The following CDH26 variants were observed in gnomAD, a reference collection of about 807,000 sequenced individuals.
The protein encoded by CDH26 is cadherin-like protein 26.
In CDH26, 83 loss-of-function variants were observed where a neutral mutation model predicts 90.3. The observed-to-expected ratio is 0.92, with a 90% CI of 0.77 to 1.10. The LOEUF is 1.10. CDH26 is among the 50% of genes least tolerant of loss of function. The probability of loss-of-function intolerance (pLI) is 0.00; values close to 1 mark genes in which losing one functional copy is unlikely to be tolerated. For synonymous variants in CDH26, 397 were observed against 396.3 expected (o/e 1.00, Z -0.02); for missense variants, 1,013 against 1,037.6 (o/e 0.98, Z 0.33).
downstream of CDH26, among the ~76,000 whole-genome samples, chr20:60,035,276 T>C (rs1421548376): frequency 6.6e-6 from 1 of 152,244 alleles, no homozygotes; most frequent in Non-Finnish European, 1.5e-5. Context: ...TTTCTATGCA[T>C]GCATGAACAT....
At position 60,006,806 on chromosome 20, in the gene CDH26, G is replaced by A. The variant is rs530011383; in HGVS notation, c.2295+19G>A. 6.3e-7 allele frequency: 1 copy of A among 1,597,528 alleles called. No individual in the cohort carries two copies. The highest frequency in any genetic ancestry group is 2.2e-5 in the East Asian group (1 of 44,820). On this transcript the variant is annotated intron_variant, in intron 17 of 17. Transcript: ENST00000348616. ...GAATCAGGTAGGGAGAGCTCCCCTTGTGCTGTGCACTAGCTATGGGTTTTG... is the reference window on the plus strand; with the variant it reads ...GAATCAGGTAGGGAGAGCTCCCCTTATGCTGTGCACTAGCTATGGGTTTTG...
intron 17 of CDH26, among the ~76,000 whole-genome samples, chr20:60,009,738 G>A (rs2146019715): frequency 6.6e-6 from 1 of 152,254 alleles, no homozygotes; most frequent in East Asian, 1.9e-4. Flanking sequence ...GAATCAGGGT[G>A]CAGACATCCA....
intron 7 of CDH26, 25 bp from the exon 8 acceptor site, chr20:59,987,428 T>A (rs756101943): frequency 6.3e-7 from 1 of 1,586,900 alleles, no homozygotes. Flanking sequence ...TTCCATGACA[T>A]GGACATGATG....
intron 16 of CDH26, among the ~76,000 whole-genome samples, chr20:60,003,350 C>T (rs1262362026): frequency 6.6e-6 from 1 of 152,052 alleles, no homozygotes; most frequent in African/African-American, 2.4e-5. Context: ...ACCAAAATAG[C>T]CAATAAAAAT....
intron 14 of CDH26, among the ~76,000 whole-genome samples, chr20:60,000,367 A>T (rs2061660064): frequency 6.6e-6 from 1 of 152,224 alleles, no homozygotes; most frequent in Non-Finnish European, 1.5e-5. Context: ...AACAAAGTTG[A>T]CCCAGGATTG....
chr20:59,969,213 T>C (rs972558710), intron 2 of CDH26, among the ~76,000 whole-genome samples, 190 bp downstream of exon 2: 1 of 152,216 alleles, frequency 6.6e-6, no homozygotes, highest in Non-Finnish European at 1.5e-5. Flanking sequence ...CTTTTATGTC[T>C]AATTAGAATG....
chr20:60,009,802 C>G (rs1177817255), intron 17 of CDH26, among the ~76,000 whole-genome samples: 1 of 152,112 alleles, frequency 6.6e-6, no homozygotes, highest in Non-Finnish European at 1.5e-5. Context: ...AGCACAGCCC[C>G]CACTGCAGAT....
intron 1 of CDH26, among the ~76,000 whole-genome samples, chr20:59,961,523 C>A (rs1447423627): frequency 6.6e-6 from 1 of 152,160 alleles, no homozygotes; most frequent in African/African-American, 2.4e-5. Context: ...CGTTCCATTC[C>A]TTTACATCCC....
chr20:59,994,642 G>A (rs781453703), intron 11 of CDH26, among the ~76,000 whole-genome samples, 153 bp downstream of exon 11: 50 of 152,258 alleles, frequency 3.3e-4, no homozygotes, highest in Middle Eastern at 3.4e-3. Flanking sequence ...GATATCCCTG[G>A]ATATCCTTCC....
exon 9 of CDH26, chr20:60,033,773 ATGTG>A (rs3043443): frequency 0.019 from 17,012 of 894,242 alleles, 65 homozygotes; most frequent in Middle Eastern, 0.023. Context: ...GGTAGACAAG[ATGTG>A]TGTGTGTGTG....
intron 1 of CDH26, among the ~76,000 whole-genome samples, chr20:59,963,791 C>G (rs2061109491): frequency 6.6e-6 from 1 of 151,858 alleles, no homozygotes; most frequent in Non-Finnish European, 1.5e-5. Flanking sequence ...ATAGGAAATT[C>G]TGTGATTTCT....
intron 7 of CDH26, among the ~76,000 whole-genome samples, chr20:60,026,428 G>C (rs892601101): frequency 1.3e-5 from 2 of 149,846 alleles, no homozygotes; most frequent in Middle Eastern, 6.9e-3. Flanking sequence ...GAGAGAGAGG[G>C]AGAAGAGGAG....
At position 60,012,616 on chromosome 20, in the gene CDH26, C is replaced by A; in HGVS notation, c.2385C>A (p.Ser795=). ...SEEGECGGAP[S]LSSLASLEQE... is the part of the protein sequence containing the mutation. ...AAGGGGAGTGTGGAGGGGCCCCATCCCTCAGCTCTCTGGCCAGCTTGGAAC... is the reference window on the plus strand; with the variant it reads ...AAGGGGAGTGTGGAGGGGCCCCATCACTCAGCTCTCTGGCCAGCTTGGAAC... The change falls in exon 18 of 18, where the codon TCC becomes TCA. Residue 795 remains serine (S), a synonymous_variant. Transcript: ENST00000348616. The A allele has an allele frequency of 6.2e-7, 1 of 1,614,146 alleles. No individual in the cohort carries two copies. The highest frequency in any genetic ancestry group is 1.1e-5 in the South Asian group (1 of 91,090).
chr20:59,985,781 CT>C (rs1449345395), intron 7 of CDH26, among the ~76,000 whole-genome samples: 1 of 152,228 alleles, frequency 6.6e-6, no homozygotes, highest in African/African-American at 2.4e-5. Context: ...ACATTTTTGA[CT>C]GCTGTATGCC....
chr20:60,032,765 G>A (rs1017727294), intron 8 of CDH26, among the ~76,000 whole-genome samples: 11 of 147,648 alleles, frequency 7.5e-5, no homozygotes, highest in Middle Eastern at 3.5e-3. Flanking sequence ...ACCAAACACC[G>A]CATGTTCTCA....
chr20:59,977,525 A>T (rs932030489), intron 4 of CDH26, among the ~76,000 whole-genome samples: 1 of 150,782 alleles, frequency 6.6e-6, no homozygotes. Flanking sequence ...CTTATAGTTC[A>T]TATTTATTAT....
At chr20:59,983,110 C>T in intron 5 of CDH26, 40 bp downstream of exon 5, 1 of 1,593,900 alleles carries the variant, frequency 6.3e-7, no homozygotes. Context: ...CCTTCTGTCT[C>T]TGCTCTGTTC....
Position 59,996,669 on chromosome 20 carries a change from G to T in CDH26, c.1927G>T (p.Glu643Ter). ...LFLLRCYFVL[E>*]PKRHGCSVSN... ...TCTGTTGCGATGCTATTTTGTGCTT[G>T]AACCTAAGAGGCATGGATGCTCTGT... Residue 643 changes from glutamate (E) to a stop codon, truncating the protein, a stop_gained, in exon 13 of 18, where the codon GAA becomes TAA. Coordinates refer to ENST00000348616, the MANE Select transcript of CDH26 (RefSeq NM_177980.4). LOFTEE classifies it high-confidence loss of function. The T allele has an allele frequency of 1.2e-6, 2 of 1,614,188 alleles. No homozygotes were observed. The highest frequency in any genetic ancestry group is 1.7e-6 in the Non-Finnish European group (2 of 1,180,036).
chr20:59,991,197 C>T (rs2061523526), intron 9 of CDH26, among the ~76,000 whole-genome samples: 1 of 152,304 alleles, frequency 6.6e-6, no homozygotes, highest in Non-Finnish European at 1.5e-5. Flanking sequence ...TCCCTTTAGG[C>T]ACCACCAACA....
Sources: allele counts gnomAD v4.1 joint callset (sites outside exome capture counted in the v4.1 genomes callset), GRCh38; gene constraint gnomAD v4.1.1; transcripts MANE v1.5; gene names NCBI Gene and HGNC (gene_info 2026-07-23, HGNC 2026-07-21).